Variants in CSMD1 observed in about 807,000 individuals in gnomAD.
CSMD1 encodes CUB and Sushi multiple domains 1, also known as CUB and sushi domain-containing protein 1.
Under a neutral mutation model 417.5 loss-of-function variants are expected in CSMD1, and 213 were observed. The observed-to-expected ratio is 0.51, with a 90% CI of 0.46 to 0.57. The LOEUF is 0.57. CSMD1 is among the 20% of genes least tolerant of loss of function. The probability of loss-of-function intolerance (pLI) is 0.00; values close to 1 mark genes in which losing one functional copy is unlikely to be tolerated. For synonymous variants in CSMD1, 2,862 were observed against 1,736.8 expected (o/e 1.65, Z -16.11); for missense variants, 6,923 against 4,529.7 (o/e 1.53, Z -15.17).
chr8:3,359,043 C>T (rs564121955), intron 21 of CSMD1, 109 bp downstream of exon 21: 3 of 1,004,652 alleles, frequency 3.0e-6, no homozygotes, highest in Non-Finnish European at 4.5e-6. Context: ...CTTTCACCCT[C>T]TCCTTCCTTG....
rs13253538 is a variant in CSMD1 at position 3,729,979 on chromosome 8, A to G, written c.932-21488T>C. 1.4e-5 allele frequency among the ~76,000 whole-genome samples: 2 copies of G among 143,162 alleles called. 1 individual carries two copies. The highest frequency in any genetic ancestry group is 4.5e-4 in the South Asian group (2 of 4,420). 93.9% of individuals were successfully genotyped at this position (143,162 alleles called of 152,430 possible). On this transcript the variant is annotated intron_variant, in intron 6 of 69. Coordinates refer to ENST00000635120, the MANE Select transcript of CSMD1 (RefSeq NM_033225.6). ...AAAAAAAACAAAAACAGAAGAACGG[A>G]TACATAATAATGTTTCAAAAAGTTC...
At chr8:4,383,904 A>T (rs552868660) in intron 3 of CSMD1, among the ~76,000 whole-genome samples, 2 of 152,204 alleles carry the variant, frequency 1.3e-5, no homozygotes, top group Non-Finnish European at 2.9e-5. Flanking sequence ...AGATACTCAT[A>T]AATGTTTATA....
intron 10 of CSMD1, among the ~76,000 whole-genome samples, chr8:3,559,379 T>C (rs55889157): frequency 0.06 from 9,156 of 152,212 alleles, 312 homozygotes; most frequent in Non-Finnish European, 0.08. Context: ...TGGGAAGAAA[T>C]ACTAAGTAGC....
Position 3,255,523 on chromosome 8 carries a change from G to A in CSMD1, c.4154-25292C>T, listed in dbSNP as rs377064743. Among the ~76,000 whole-genome samples the A allele has an allele frequency of 1.7e-4, 26 of 152,280 alleles. 1 individual carries two copies. The highest frequency in any genetic ancestry group is 7.2e-4 in the Admixed American group (11 of 15,296). On this transcript the variant is annotated intron_variant, in intron 26 of 69. Coordinates refer to ENST00000635120, the MANE Select transcript of CSMD1 (RefSeq NM_033225.6). Reference sequence around the variant, plus strand: ...AGCTGTGGTGGGCTCCACCCAGTTCGAGCTTCCCACCTGCTTTGTTTACCT... The same window carrying A: ...AGCTGTGGTGGGCTCCACCCAGTTCAAGCTTCCCACCTGCTTTGTTTACCT...
chr8:4,480,869 T>C (rs563242554), intron 2 of CSMD1, among the ~76,000 whole-genome samples: 180 of 152,322 alleles, frequency 1.2e-3, no homozygotes, highest in Non-Finnish European at 2.1e-3. Context: ...CCTGGGTCCC[T>C]GGTTAAAGAT....
chr8:3,651,176 T>C (rs1797835477), intron 7 of CSMD1, among the ~76,000 whole-genome samples: 1 of 152,222 alleles, frequency 6.6e-6, no homozygotes, highest in South Asian at 2.1e-4. Context: ...CCCTGGTCTC[T>C]GTTCCCTAGA....
At chr8:4,225,427 A>T (rs1801289084) in intron 3 of CSMD1, among the ~76,000 whole-genome samples, 2 of 151,826 alleles carry the variant, frequency 1.3e-5, no homozygotes, top group Non-Finnish European at 2.9e-5. Context: ...ATTTTCATAC[A>T]TTATTCTGAT....
intron 54 of CSMD1, among the ~76,000 whole-genome samples, chr8:2,985,555 G>A (rs1317380636): frequency 2.0e-5 from 3 of 152,130 alleles, no homozygotes; most frequent in Admixed American, 6.5e-5. Context: ...CAATATATAG[G>A]CAATACTCCT....
intron 3 of CSMD1, among the ~76,000 whole-genome samples, chr8:4,274,914 T>C (rs1190548011): frequency 5.3e-5 from 8 of 152,198 alleles, no homozygotes; most frequent in African/African-American, 1.9e-4. Flanking sequence ...AAGGAAATGT[T>C]GTGTCTTGGC....
intron 3 of CSMD1, among the ~76,000 whole-genome samples, chr8:4,230,530 A>C (rs1466893212): frequency 6.6e-6 from 1 of 152,208 alleles, no homozygotes; most frequent in East Asian, 1.9e-4. Flanking sequence ...CAGAGTTTTT[A>C]GGCCAGTTGC....
At position 4,416,585 on chromosome 8, in the gene CSMD1, C is replaced by G. The variant is rs563366786; in HGVS notation, c.415+3368G>C. Among the ~76,000 whole-genome samples, 244 of 151,946 alleles carry G rather than the reference C, an allele frequency of 1.6e-3. 1 individual carries two copies. Among genetic ancestry groups the G allele is most frequent in the African/African-American group, 5.7e-3 (237 of 41,472 alleles). ...TAGCTTACGTTTTTACTAATAAGGG[C>G]AACTATTATAAAATAGAAGAATTCC... On this transcript the variant is annotated intron_variant, in intron 3 of 69. Coordinates refer to ENST00000635120, the MANE Select transcript of CSMD1 (RefSeq NM_033225.6).
chr8:4,497,816 G>C (rs187262061), intron 2 of CSMD1, among the ~76,000 whole-genome samples: 1 of 152,302 alleles, frequency 6.6e-6, no homozygotes, highest in East Asian at 1.9e-4. Context: ...AAGCACAGCT[G>C]TCCAGAATCA....
chr8:4,622,269 G>T (rs1255787671), intron 2 of CSMD1, among the ~76,000 whole-genome samples: 1 of 152,046 alleles, frequency 6.6e-6, no homozygotes, highest in Non-Finnish European at 1.5e-5. Flanking sequence ...GAGGATACTT[G>T]CCTGGCTGAG....
At chr8:3,586,686 A>G (rs747383942) in intron 8 of CSMD1, among the ~76,000 whole-genome samples, 64 of 152,246 alleles carry the variant, frequency 4.2e-4, no homozygotes, top group Non-Finnish European at 6.0e-4. Context: ...GGTTAAGAAA[A>G]TATGTCAGTA....
intron 51 of CSMD1, among the ~76,000 whole-genome samples, chr8:3,019,518 T>A (rs578060299): frequency 1.3e-5 from 2 of 152,306 alleles, no homozygotes; most frequent in South Asian, 4.1e-4. Context: ...TTATTTGTTT[T>A]TTTAGTTACT....
chr8:3,541,034 T>C (rs767408647), intron 10 of CSMD1, among the ~76,000 whole-genome samples: 1 of 152,208 alleles, frequency 6.6e-6, no homozygotes, highest in Non-Finnish European at 1.5e-5. Flanking sequence ...ACTGGGTATA[T>C]ACCCAAAGGA....
chr8:3,590,589 T>C (rs1012785743), intron 8 of CSMD1, among the ~76,000 whole-genome samples: 10 of 152,156 alleles, frequency 6.6e-5, no homozygotes, highest in Admixed American at 5.2e-4. Flanking sequence ...ACACATTCCA[T>C]AATTACGATC....
chr8:4,651,526 G>C (rs1243218144), intron 1 of CSMD1, among the ~76,000 whole-genome samples: 2 of 152,106 alleles, frequency 1.3e-5, no homozygotes, highest in Non-Finnish European at 1.5e-5. Flanking sequence ...AAGTTTACTG[G>C]TTTCTCTAAT....
intron 1 of CSMD1, among the ~76,000 whole-genome samples, chr8:4,861,015 T>A (rs1312154278): frequency 6.6e-6 from 1 of 152,136 alleles, no homozygotes; most frequent in Non-Finnish European, 1.5e-5. Flanking sequence ...TAATACATAT[T>A]CTAGGTGCTT....
Sources: allele counts gnomAD v4.1 joint callset (sites outside exome capture counted in the v4.1 genomes callset), GRCh38; gene constraint gnomAD v4.1.1; transcripts MANE v1.5; gene names NCBI Gene and HGNC (gene_info 2026-07-23, HGNC 2026-07-21).